The following SLC35D4 variants were observed in gnomAD, a reference collection of about 807,000 sequenced individuals.
The protein encoded by SLC35D4 is solute carrier family 35 member D4, also known as UDP-N-acetylglucosamine transporter SLC35D4.
the SLC35D4 span, among the ~76,000 whole-genome samples, chr18:23,324,395 G>A: frequency 1.3e-5 from 2 of 152,126 alleles, no homozygotes. Flanking sequence ...TTGCTCTTTT[G>A]GAGAGTTTAA....
chr18:23,342,401 C>T, the SLC35D4 span, among the ~76,000 whole-genome samples: 1 of 151,892 alleles, frequency 6.6e-6, no homozygotes, highest in Non-Finnish European at 1.5e-5. Context: ...TATTAATAGC[C>T]CATTCCTTCT....
chr18:23,402,664 T>A, the SLC35D4 span, among the ~76,000 whole-genome samples: 8 of 150,706 alleles, frequency 5.3e-5, no homozygotes, highest in African/African-American at 2.0e-4. Flanking sequence ...TTCAGCTGAG[T>A]GTGGTGGGTT....
chr18:23,323,773 G>A, the SLC35D4 span, among the ~76,000 whole-genome samples: 17 of 152,126 alleles, frequency 1.1e-4, no homozygotes, highest in South Asian at 4.2e-4. Flanking sequence ...CATGAGATTC[G>A]TGCCCTTATT....
chr18:23,405,406 C>T, the SLC35D4 span, among the ~76,000 whole-genome samples: 1 of 152,088 alleles, frequency 6.6e-6, no homozygotes, highest in Non-Finnish European at 1.5e-5. Flanking sequence ...GTCAGGCTGA[C>T]CTCAAACTCC....
the SLC35D4 span, chr18:23,309,592 C>A: frequency 8.4e-7 from 1 of 1,187,604 alleles, no homozygotes; most frequent in East Asian, 2.3e-5. Context: ...CGCACACTCC[C>A]TTTCTGCAAC....
the SLC35D4 span, among the ~76,000 whole-genome samples, chr18:23,316,523 A>G: frequency 2.9e-3 from 435 of 152,344 alleles, 4 homozygotes; most frequent in African/African-American, 9.8e-3. Context: ...TTAACAAGGG[A>G]CAACTCATGT....
chr18:23,342,469 C>T, the SLC35D4 span, among the ~76,000 whole-genome samples: 1 of 151,878 alleles, frequency 6.6e-6, no homozygotes, highest in Non-Finnish European at 1.5e-5. Flanking sequence ...TTTATATATT[C>T]ACTAGTTGAT....
chr18:23,368,746 T>C, the SLC35D4 span: 13 of 1,455,874 alleles, frequency 8.9e-6, no homozygotes, highest in Non-Finnish European at 9.5e-7. Context: ...TGCTGGTCAA[T>C]GTCACTAAGG....
At chr18:23,421,291 C>T in the SLC35D4 span, 3 of 1,230,974 alleles carry the variant, frequency 2.4e-6, no homozygotes, top group South Asian at 1.3e-5. Context: ...TCCAGTGTAA[C>T]ACCATATGAA....
the SLC35D4 span, chr18:23,295,926 A>G: frequency 6.6e-6 from 1 of 152,168 alleles, no homozygotes; most frequent in South Asian, 2.1e-4. Context: ...GTGGTAAGGT[A>G]TTTGAAACAT....
the SLC35D4 span, among the ~76,000 whole-genome samples, chr18:23,346,346 C>A: frequency 6.6e-6 from 1 of 152,142 alleles, no homozygotes; most frequent in African/African-American, 2.4e-5. Context: ...GTTGCCCAGG[C>A]TGGTCTCAAG....
chr18:23,437,944 C>T, the SLC35D4 span: 1 of 1,408,210 alleles, frequency 7.1e-7, no homozygotes, highest in Non-Finnish European at 9.8e-7. Context: ...GCGGCAGCGG[C>T]AGCAGCCGCC....
chr18:23,374,737 G>A, the SLC35D4 span, among the ~76,000 whole-genome samples: 4 of 151,978 alleles, frequency 2.6e-5, no homozygotes, highest in East Asian at 1.9e-4. Context: ...CGCCTGCCTC[G>A]GCCTCCCAAA....
At chr18:23,353,620 T>C in the SLC35D4 span, among the ~76,000 whole-genome samples, 2 of 152,182 alleles carry the variant, frequency 1.3e-5, no homozygotes, top group African/African-American at 4.8e-5. Context: ...TTCAGCCTGT[T>C]TGGCCCTAAT....
the SLC35D4 span, among the ~76,000 whole-genome samples, chr18:23,360,355 G>A: frequency 6.6e-6 from 1 of 152,348 alleles, no homozygotes; most frequent in South Asian, 2.1e-4. Flanking sequence ...AATGTTCAGA[G>A]CAGCCTCAAG....
chr18:23,282,188 G>A, the SLC35D4 span, among the ~76,000 whole-genome samples: 11 of 152,122 alleles, frequency 7.2e-5, no homozygotes, highest in Non-Finnish European at 2.9e-5. Context: ...CTAATCCTGC[G>A]GGCCTTTCAC....
chr18:23,267,060 G>C, the SLC35D4 span, among the ~76,000 whole-genome samples: 1 of 152,228 alleles, frequency 6.6e-6, no homozygotes, highest in African/African-American at 2.4e-5. Flanking sequence ...AACCGCATCT[G>C]CATGGGGCCT....
the SLC35D4 span, among the ~76,000 whole-genome samples, chr18:23,385,270 C>T: frequency 8.5e-5 from 13 of 152,306 alleles, no homozygotes; most frequent in South Asian, 1.2e-3. Flanking sequence ...TCCCCTCCTA[C>T]GGGCATTCTC....
At chr18:23,427,658 C>A in the SLC35D4 span, among the ~76,000 whole-genome samples, 1 of 152,206 alleles carries the variant, frequency 6.6e-6, no homozygotes, top group East Asian at 1.9e-4. Context: ...ACCCAGCAAT[C>A]CCATTACTGG....
Sources: allele counts gnomAD v4.1 joint callset (sites outside exome capture counted in the v4.1 genomes callset), GRCh38; gene constraint gnomAD v4.1.1; transcripts MANE v1.5; gene names NCBI Gene and HGNC (gene_info 2026-07-23, HGNC 2026-07-21).